Variants in SCIN observed in about 807,000 individuals in gnomAD.
SCIN encodes the protein scinderin.
Under a neutral mutation model 91.8 loss-of-function variants are expected in SCIN, and 91 were observed. The ratio of observed to expected loss-of-function variants is 0.99; its 90% CI spans 0.84 to 1.18. SCIN has a LOEUF of 1.18. Ranked by LOEUF, SCIN falls within the 50% of genes most tolerant of loss-of-function variation. The pLI, the probability that SCIN is intolerant of heterozygous loss-of-function variation, is 0.00. For synonymous variants in SCIN, 367 were observed against 312.6 expected (o/e 1.17, Z -1.84); for missense variants, 1,087 against 863.9 (o/e 1.26, Z -3.24).
intron 11 of SCIN, among the ~76,000 whole-genome samples, chr7:12,640,806 A>G (rs1783843525): frequency 1.3e-5 from 2 of 152,192 alleles, no homozygotes; most frequent in Non-Finnish European, 2.9e-5. Context: ...CTTAAGCTCC[A>G]TCTTGAAAGG....
intron 4 of SCIN, among the ~76,000 whole-genome samples, chr7:12,608,414 T>C (rs1783124899): frequency 6.6e-6 from 1 of 152,064 alleles, no homozygotes; most frequent in South Asian, 2.1e-4. Context: ...CAACAGTTGA[T>C]TTTACTAGAG....
At chr7:12,612,267 G>A (rs6979992) in intron 4 of SCIN, among the ~76,000 whole-genome samples, 68,756 of 151,974 alleles carry the variant, frequency 0.45, 16,297 homozygotes, top group Admixed American at 0.6. Context: ...AGTGTTTGTC[G>A]TTTGATTGAA....
At chr7:12,582,757 C>A (rs945565033) in intron 3 of SCIN, among the ~76,000 whole-genome samples, 3 of 151,968 alleles carry the variant, frequency 2.0e-5, no homozygotes, top group Non-Finnish European at 4.4e-5. Context: ...CCGCCACCAC[C>A]CCCTACACTA....
At chr7:12,596,545 C>T (rs1232152812) in intron 3 of SCIN, 5 of 433,494 alleles carry the variant, frequency 1.2e-5, no homozygotes, top group Non-Finnish European at 2.3e-5. Context: ...GGGGGAGGGC[C>T]CTCTCCTGCC....
chr7:12,635,654 C>G (rs1473918936), intron 9 of SCIN, among the ~76,000 whole-genome samples: 1 of 47,578 alleles, frequency 2.1e-5, no homozygotes, highest in Non-Finnish European at 4.7e-5. Context: ...GCAAGAAAGA[C>G]AAAATGCCCC....
rs1400526033 is a variant in SCIN, at chr7:12,655,426, C to CCCATTGGAAATGGAAAAATGGCCAA, written c.*2711_*2712insCCATTGGAAATGGAAAAATGGCCAA. 2 of 151,922 alleles carry CCCATTGGAAATGGAAAAATGGCCAA rather than the reference C, an allele frequency of 1.3e-5. No individual in the cohort carries two copies. Among genetic ancestry groups the CCCATTGGAAATGGAAAAATGGCCAA allele is most frequent in the Non-Finnish European group, 2.9e-5 (2 of 67,976 alleles). 9.4% of individuals were successfully genotyped at this position (151,922 alleles called of 1,614,324 possible). A position where few individuals can be genotyped will look rare whatever the true frequency, so the allele number is the denominator to read the frequency against. ...AAACTCTTACAAATCAATGAGTCAA[C>CCCATTGGAAATGGAAAAATGGCCAA]AACCCAATGGAAAAATGGCCAAAAG... On this transcript the variant is annotated 3_prime_UTR_variant, in exon 16 of 16. Transcript: ENST00000297029.
At position 12,598,434 on chromosome 7, in the gene SCIN, T is replaced by C. The variant is rs1262213345; in HGVS notation, c.517-6080T>C. Reference sequence around the variant, plus strand: ...TATTAATAAAACTACACACACTTACTTCAGCACAGTAGAGCTCTGTTAAAA... The same window carrying C: ...TATTAATAAAACTACACACACTTACCTCAGCACAGTAGAGCTCTGTTAAAA... On this transcript the variant is annotated intron_variant, in intron 3 of 15. Coordinates refer to ENST00000297029, the MANE Select transcript of SCIN (RefSeq NM_001112706.3). Among the ~76,000 whole-genome samples, 3 of 152,202 alleles carry C rather than the reference T, an allele frequency of 2.0e-5. No individual in the cohort carries two copies. In the East Asian group the frequency reaches 5.8e-4, roughly 29 times the overall value.
chr7:12,602,250 G>A (rs1030118509), intron 3 of SCIN, among the ~76,000 whole-genome samples: 4 of 152,178 alleles, frequency 2.6e-5, no homozygotes, highest in Admixed American at 1.3e-4. Flanking sequence ...ATTTCAAAAG[G>A]GGAGGGGGTG....
chr7:12,595,325 G>A (rs944161411), intron 3 of SCIN, among the ~76,000 whole-genome samples: 1 of 152,176 alleles, frequency 6.6e-6, no homozygotes, highest in Non-Finnish European at 1.5e-5. Context: ...TTACAAGAGG[G>A]CGTAACTTAG....
chr7:12,659,066 C>G lies in SCIN; in HGVS notation c.*6351C>G. 1 of 152,456 alleles carries G rather than the reference C, an allele frequency of 6.6e-6. No homozygotes were observed. The highest frequency in any genetic ancestry group is 1.5e-5 in the Non-Finnish European group (1 of 68,162). The allele number at this position is 152,456 out of a possible 1,614,324, so 9.4% of individuals were successfully genotyped here. Reference sequence around the variant, plus strand: ...TGCCTCCCGTGTTCAAGCGATTCTCCTGCCTCAGCCTCCTGAGTAGCTGGG... The same window carrying G: ...TGCCTCCCGTGTTCAAGCGATTCTCGTGCCTCAGCCTCCTGAGTAGCTGGG... On this transcript the variant is annotated 3_prime_UTR_variant, in exon 16 of 16. Coordinates refer to ENST00000297029, the MANE Select transcript of SCIN (RefSeq NM_001112706.3).
At position 12,657,572 on chromosome 7, in the gene SCIN, ATTTTTTTTTTTT is replaced by A. The variant is rs71030521; in HGVS notation, c.*4872_*4883del. 2 of 22,080 alleles carry A rather than the reference ATTTTTTTTTTTT, an allele frequency of 9.1e-5. No individual in the cohort carries two copies. The highest frequency in any genetic ancestry group is 1.3e-4 in the Non-Finnish European group (1 of 7,720). 1.4% of individuals were successfully genotyped at this position (22,080 alleles called of 1,614,324 possible). On this transcript the variant is annotated 3_prime_UTR_variant, in exon 16 of 16. Coordinates refer to ENST00000297029, the MANE Select transcript of SCIN (RefSeq NM_001112706.3). ...TATATATATATATATATATATATAT[ATTTTTTTTTTTT>A]TTTTTTTTTTTTTTGCATTGGCAAA...
chr7:12,607,357 C>T (rs1385555639), intron 4 of SCIN, among the ~76,000 whole-genome samples: 2 of 152,130 alleles, frequency 1.3e-5, no homozygotes, highest in Non-Finnish European at 2.9e-5. Flanking sequence ...AGCTGAGGGG[C>T]CCTGCTGGGC....
At chr7:12,647,795 A>G (rs1783995431) in intron 13 of SCIN, among the ~76,000 whole-genome samples, 1 of 152,224 alleles carries the variant, frequency 6.6e-6, no homozygotes, top group East Asian at 1.9e-4. Context: ...TAGAACAAAC[A>G]TGAATTGTCA....
chr7:12,652,506 T>G (rs1784100166), intron 15 of SCIN, 82 bp from the exon 16 acceptor site: 1 of 1,285,626 alleles, frequency 7.8e-7, no homozygotes, highest in East Asian at 2.6e-5. Flanking sequence ...TTCATTACTT[T>G]TATTCGAAGA....
At chr7:12,574,792 T>G (rs910123605) in intron 1 of SCIN, among the ~76,000 whole-genome samples, 3 of 152,106 alleles carry the variant, frequency 2.0e-5, no homozygotes, top group African/African-American at 7.2e-5. Flanking sequence ...ACTTTATGCT[T>G]GTTTGTCAAG....
chr7:12,643,942 CA>C (rs1250130204), intron 11 of SCIN, among the ~76,000 whole-genome samples, 195 bp from the exon 12 acceptor site: 16 of 152,274 alleles, frequency 1.1e-4, no homozygotes, highest in African/African-American at 3.9e-4. Flanking sequence ...CACAAATCCA[CA>C]AGTGACACAG....
chr7:12,582,214 G>A (rs958567949), intron 3 of SCIN, among the ~76,000 whole-genome samples: 2 of 152,160 alleles, frequency 1.3e-5, no homozygotes, highest in African/African-American at 2.4e-5. Flanking sequence ...GATTCCCCAC[G>A]AAGCATTTTG....
intron 4 of SCIN, among the ~76,000 whole-genome samples, chr7:12,620,966 A>C (rs1783395054): frequency 6.6e-6 from 1 of 152,134 alleles, no homozygotes; most frequent in African/African-American, 2.4e-5. Context: ...AATTGTCAAA[A>C]TATATGTTAT....
chr7:12,595,386 G>A (rs1385542700), intron 3 of SCIN, among the ~76,000 whole-genome samples: 2 of 151,476 alleles, frequency 1.3e-5, no homozygotes, highest in Admixed American at 1.3e-4. Context: ...AGGGCTGTAA[G>A]CAAGTCTGGT....
Sources: allele counts gnomAD v4.1 joint callset (sites outside exome capture counted in the v4.1 genomes callset), GRCh38; gene constraint gnomAD v4.1.1; transcripts MANE v1.5; gene names NCBI Gene and HGNC (gene_info 2026-07-23, HGNC 2026-07-21).